Variants in TACR1 observed in about 807,000 individuals in gnomAD.
TACR1 encodes substance-P receptor.
A neutral mutation model predicts 35.8 loss-of-function variants in TACR1; 25 were observed. That is an observed-to-expected ratio of 0.70 (90% CI 0.51 to 0.98). TACR1 has a LOEUF of 0.98. TACR1 is among the 50% of genes least tolerant of loss of function. The pLI, the probability that TACR1 is intolerant of heterozygous loss-of-function variation, is 0.00. For synonymous variants in TACR1, 195 were observed against 206.7 expected (o/e 0.94, Z 0.48); for missense variants, 478 against 522.9 (o/e 0.91, Z 0.84).
chr2:75,128,832 G>C (rs1488456912), intron 1 of TACR1, among the ~76,000 whole-genome samples: 1 of 152,162 alleles, frequency 6.6e-6, no homozygotes, highest in Non-Finnish European at 1.5e-5. Flanking sequence ...GGAATCTCAT[G>C]CTTGCATTTG....
At chr2:75,153,761 A>G (rs575885095) in intron 1 of TACR1, among the ~76,000 whole-genome samples, 1 of 152,182 alleles carries the variant, frequency 6.6e-6, no homozygotes, top group Non-Finnish European at 1.5e-5. Flanking sequence ...AGGTGGACCA[A>G]CCAGGGATGC....
chr2:75,126,392 A>G (rs1016890541), intron 1 of TACR1, among the ~76,000 whole-genome samples: 1 of 152,188 alleles, frequency 6.6e-6, no homozygotes, highest in Non-Finnish European at 1.5e-5. Context: ...TGCAGTGAAC[A>G]TATGCATGCA....
intron 2 of TACR1, among the ~76,000 whole-genome samples, chr2:75,119,499 T>C (rs1673922859): frequency 2.6e-5 from 4 of 152,236 alleles, no homozygotes; most frequent in Admixed American, 2.0e-4. Flanking sequence ...ACATTATCCA[T>C]GTGCTCTGAG....
chr2:75,137,343 G>T (rs1386864741), intron 1 of TACR1, among the ~76,000 whole-genome samples: 1 of 152,164 alleles, frequency 6.6e-6, no homozygotes, highest in Non-Finnish European at 1.5e-5. Flanking sequence ...TTTATAAACA[G>T]AATCCTAGAC....
Position 75,077,039 on chromosome 2 carries a change from T to C in TACR1, c.585-23284A>G, listed in dbSNP as rs373198484. On this transcript the variant is annotated intron_variant, in intron 2 of 4. Transcript: ENST00000305249. ...AGGCTGGAGTGCAATGGCTCGATCT[T>C]GGCTCACCGTAACTTCTGCCTTCTG... is the stretch of plus-strand genomic sequence containing the variant. Among the ~76,000 whole-genome samples, 385 of 152,308 alleles carry C rather than the reference T, an allele frequency of 2.5e-3. 3 individuals are homozygous for C. Among genetic ancestry groups the C allele is most frequent in the African/African-American group, 9.0e-3 (375 of 41,568 alleles).
intron 2 of TACR1, among the ~76,000 whole-genome samples, chr2:75,084,764 G>T (rs1673159585): frequency 6.6e-6 from 1 of 152,060 alleles, no homozygotes; most frequent in South Asian, 2.1e-4. Context: ...CTGTGGGATT[G>T]GTGGTGATAT....
chr2:75,106,998 G>C (rs1030774230), intron 2 of TACR1, among the ~76,000 whole-genome samples: 1 of 151,724 alleles, frequency 6.6e-6, no homozygotes. Context: ...AAAATATACT[G>C]TATGTAAGAG....
chr2:75,116,046 C>T (rs776796298), intron 2 of TACR1, among the ~76,000 whole-genome samples: 4 of 151,718 alleles, frequency 2.6e-5, no homozygotes, highest in Non-Finnish European at 5.9e-5. Context: ...GGGAAACAAT[C>T]TATATTTGTG....
intron 2 of TACR1, among the ~76,000 whole-genome samples, chr2:75,108,883 T>G (rs934104092): frequency 6.6e-6 from 1 of 152,194 alleles, no homozygotes; most frequent in African/African-American, 2.4e-5. Context: ...TTAAGCTCCA[T>G]GTAGTTAATT....
intron 2 of TACR1, among the ~76,000 whole-genome samples, chr2:75,074,776 G>A (rs191226317): frequency 2.5e-3 from 381 of 152,180 alleles, no homozygotes; most frequent in Non-Finnish European, 4.1e-3. Flanking sequence ...TGGGTTGTGT[G>A]TGTGCATGAG....
chr2:75,191,862 G>C (rs1675854762), intron 1 of TACR1, among the ~76,000 whole-genome samples: 1 of 152,078 alleles, frequency 6.6e-6, no homozygotes, highest in Admixed American at 6.5e-5. Context: ...CCTACTCTGT[G>C]CCAGGCACTT....
intron 2 of TACR1, among the ~76,000 whole-genome samples, chr2:75,073,810 G>A (rs1672926429): frequency 6.6e-6 from 1 of 151,148 alleles, no homozygotes; most frequent in Admixed American, 6.5e-5. Flanking sequence ...GCCTCACATA[G>A]GAATGCCACT....
chr2:75,174,818 A>G (rs1268448996), intron 1 of TACR1, among the ~76,000 whole-genome samples: 3 of 152,182 alleles, frequency 2.0e-5, no homozygotes, highest in Non-Finnish European at 2.9e-5. Flanking sequence ...TTCATTAAAG[A>G]TATCTCCCTA....
chr2:75,094,415 A>G (rs1673371257), intron 2 of TACR1, among the ~76,000 whole-genome samples: 1 of 152,124 alleles, frequency 6.6e-6, no homozygotes, highest in Admixed American at 6.6e-5. Flanking sequence ...AGGGGTATTC[A>G]CTGTAGTCCA....
At chr2:75,139,200 CATAGCTATCATT>C (rs1448418421) in intron 1 of TACR1, among the ~76,000 whole-genome samples, 1 of 152,184 alleles carries the variant, frequency 6.6e-6, no homozygotes, top group Non-Finnish European at 1.5e-5. Context: ...GTAGACTCTT[CATAGCTATCATT>C]TCTTATGAAC....
chr2:75,138,485 T>C (rs568833108), intron 1 of TACR1, among the ~76,000 whole-genome samples: 1 of 152,324 alleles, frequency 6.6e-6, no homozygotes, highest in East Asian at 1.9e-4. Flanking sequence ...CAGGGCTGAA[T>C]TGGTTCTTTC....
intron 2 of TACR1, among the ~76,000 whole-genome samples, chr2:75,103,809 C>G (rs1223378710): frequency 1.3e-5 from 2 of 152,036 alleles, no homozygotes; most frequent in Admixed American, 6.6e-5. Context: ...GTAGGGGATA[C>G]AAGCCTAAGT....
chr2:75,166,786 T>C (rs1334342571), intron 1 of TACR1, among the ~76,000 whole-genome samples: 1 of 152,082 alleles, frequency 6.6e-6, no homozygotes, highest in African/African-American at 2.4e-5. Context: ...GGAAAACTGT[T>C]TGTTGGAAGA....
rs889014433 is a variant in TACR1, at chr2:75,081,912, T to TAA, written c.585-28159_585-28158dup. Among the ~76,000 whole-genome samples, 293 of 150,808 alleles carry TAA rather than the reference T, an allele frequency of 1.9e-3. 1 individual carries two copies. Among genetic ancestry groups the TAA allele is most frequent in the African/African-American group, 6.8e-3 (281 of 41,056 alleles). Reference sequence around the variant, plus strand: ...AACCAACATTTCTTTTTTTTTTTTTTAAATATATATATGTATTTTTTATTA... The same window carrying TAA: ...AACCAACATTTCTTTTTTTTTTTTTTAAAAATATATATATGTATTTTTTATTA... On this transcript the variant is annotated intron_variant, in intron 2 of 4. Coordinates refer to ENST00000305249, the MANE Select transcript of TACR1 (RefSeq NM_001058.4).
Sources: gnomAD v4.1 joint callset for allele counts (sites outside exome capture counted in the v4.1 genomes callset) on GRCh38, gnomAD v4.1.1 for gene constraint, MANE v1.5 for transcripts, NCBI Gene and HGNC (gene_info 2026-07-23, HGNC 2026-07-21) for gene names.